The following RBFOX1 variants were observed in gnomAD, a reference collection of about 807,000 sequenced individuals.
RBFOX1 encodes RNA binding protein fox-1 homolog 1.
A neutral mutation model predicts 57.7 loss-of-function variants in RBFOX1; 8 were observed. The ratio of observed to expected loss-of-function variants is 0.14; its 90% CI spans 0.08 to 0.25. The LOEUF (loss-of-function observed/expected upper bound fraction) is 0.25. Among genes scored for constraint, RBFOX1 ranks in the 10% least tolerant of loss-of-function variants. The pLI is 1.00. For missense variants in RBFOX1, 611 were observed against 548.5 expected (o/e 1.11, Z -1.14); for synonymous variants, 326 against 222.4 (o/e 1.47, Z -4.15).
intron 4 of RBFOX1, among the ~76,000 whole-genome samples, chr16:7,214,025 T>G (rs1423670299): frequency 1.3e-5 from 2 of 151,912 alleles, no homozygotes; most frequent in Non-Finnish European, 2.9e-5. Context: ...ATTTGACCTC[T>G]CCCCTTTGCC....
At chr16:7,034,467 C>T (rs961322236) in intron 3 of RBFOX1, among the ~76,000 whole-genome samples, 7 of 152,082 alleles carry the variant, frequency 4.6e-5, no homozygotes, top group African/African-American at 1.7e-4. Context: ...CCTTGCTGGG[C>T]TCCAGCTGGC....
chr16:5,799,702 A>C (rs866174210), intron 3 of RBFOX1, among the ~76,000 whole-genome samples: 12 of 152,114 alleles, frequency 7.9e-5, no homozygotes, highest in South Asian at 2.1e-4. Context: ...TCGGTTGGTG[A>C]GGCATATTGA....
At chr16:5,579,332 A>G (rs2046582456) in intron 2 of RBFOX1, among the ~76,000 whole-genome samples, 1 of 151,988 alleles carries the variant, frequency 6.6e-6, no homozygotes, top group Admixed American at 6.6e-5. Context: ...TTCCAGTCCT[A>G]GGAAATCTAC....
rs58333271 is a variant in RBFOX1, at chr16:5,502,025, C to CTATTATTAT, written c.258+34789_258+34797dup. Among the ~76,000 whole-genome samples the CTATTATTAT allele has an allele frequency of 4.9e-3, 742 of 150,272 alleles. 8 individuals are homozygous for CTATTATTAT. The highest frequency in any genetic ancestry group is 0.018 in the African/African-American group (712 of 40,664). On this transcript the variant is annotated intron_variant, in intron 2 of 2. Transcript: ENST00000585867. ...GGCATGAGCCACCATGCCCAGCTCA[C>CTATTATTAT]TATTATTATTATTATTATTATTATT...
At chr16:7,231,198 C>T (rs144523679) in intron 4 of RBFOX1, among the ~76,000 whole-genome samples, 2,567 of 152,220 alleles carry the variant, frequency 0.017, 37 homozygotes, top group Admixed American at 0.021. Flanking sequence ...ACAGAACAAC[C>T]GAAAGAGCTA....
At chr16:5,887,350 G>A (rs2057923664) in intron 4 of RBFOX1, among the ~76,000 whole-genome samples, 2 of 152,122 alleles carry the variant, frequency 1.3e-5, no homozygotes, top group South Asian at 4.1e-4. Context: ...AAAGACCATA[G>A]TACTGCCTTC....
chr16:7,125,162 T>C (rs2068174856), intron 4 of RBFOX1, among the ~76,000 whole-genome samples: 1 of 152,084 alleles, frequency 6.6e-6, no homozygotes, highest in Non-Finnish European at 1.5e-5. Flanking sequence ...CACTGCATGG[T>C]GGTGTTAAGT....
At chr16:5,785,693 A>G (rs2151716652) in intron 3 of RBFOX1, among the ~76,000 whole-genome samples, 1 of 151,922 alleles carries the variant, frequency 6.6e-6, no homozygotes, top group South Asian at 2.1e-4. Context: ...ATACCCGGCT[A>G]ATTTTGTATT....
At chr16:6,941,665 G>A (rs1035404301) in intron 3 of RBFOX1, among the ~76,000 whole-genome samples, 4 of 152,012 alleles carry the variant, frequency 2.6e-5, no homozygotes, top group Non-Finnish European at 4.4e-5. Flanking sequence ...CTATAAAGCA[G>A]GTCAGTCATA....
chr16:7,340,327 G>C (rs1222902211), intron 4 of RBFOX1, among the ~76,000 whole-genome samples: 1 of 152,210 alleles, frequency 6.6e-6, no homozygotes, highest in Non-Finnish European at 1.5e-5. Flanking sequence ...GTGGGTTTCA[G>C]ATCTTAATTA....
chr16:6,897,292 A>G (rs923692806), intron 3 of RBFOX1, among the ~76,000 whole-genome samples: 16 of 152,192 alleles, frequency 1.1e-4, no homozygotes, highest in African/African-American at 3.6e-4. Flanking sequence ...AAGCCCAGCT[A>G]CTCAGGAGGC....
intron 3 of RBFOX1, among the ~76,000 whole-genome samples, chr16:6,760,630 G>C (rs531692446): frequency 6.6e-6 from 1 of 152,168 alleles, no homozygotes; most frequent in Admixed American, 6.5e-5. Flanking sequence ...ACTGAATTGG[G>C]TGAGACAAAT....
chr16:5,617,000 G>T (rs1297246754), intron 3 of RBFOX1, among the ~76,000 whole-genome samples: 2 of 151,732 alleles, frequency 1.3e-5, no homozygotes, highest in Non-Finnish European at 2.9e-5. Flanking sequence ...TGGCCGGAGG[G>T]CAGTTCCTGA....
intron 3 of RBFOX1, among the ~76,000 whole-genome samples, chr16:6,927,207 C>G (rs556733887): frequency 2.0e-5 from 3 of 151,648 alleles, no homozygotes; most frequent in Non-Finnish European, 2.9e-5. Flanking sequence ...CATTTTTTAA[C>G]GAAACCCTAG....
chr16:6,593,601 C>G (rs1318744654), intron 2 of RBFOX1, among the ~76,000 whole-genome samples: 1 of 152,118 alleles, frequency 6.6e-6, no homozygotes, highest in African/African-American at 2.4e-5. Flanking sequence ...TGATAGAATT[C>G]CTGGTTTTCA....
chr16:5,819,856 C>G (rs2055782027), intron 3 of RBFOX1, among the ~76,000 whole-genome samples: 1 of 152,232 alleles, frequency 6.6e-6, no homozygotes, highest in Non-Finnish European at 1.5e-5. Context: ...AAATGAGGAG[C>G]TAGCTTTGTA....
chr16:7,540,973 T>C (rs1411134665), intron 5 of RBFOX1, among the ~76,000 whole-genome samples: 1 of 152,126 alleles, frequency 6.6e-6, no homozygotes, highest in Non-Finnish European at 1.5e-5. Context: ...TTCAGTGCAT[T>C]GAAGGTTTAG....
intron 3 of RBFOX1, among the ~76,000 whole-genome samples, chr16:5,776,191 G>A (rs777301183): frequency 2.0e-5 from 3 of 152,212 alleles, no homozygotes; most frequent in African/African-American, 4.8e-5. Context: ...AGGCTGTTTG[G>A]GTTGGTGCTT....
At chr16:6,563,612 G>C (rs1394393444) in intron 2 of RBFOX1, among the ~76,000 whole-genome samples, 1 of 152,152 alleles carries the variant, frequency 6.6e-6, no homozygotes, top group South Asian at 2.1e-4. Flanking sequence ...GCGAGGCCAA[G>C]GTAGGCAGAT....
Sources: gnomAD v4.1 joint callset for allele counts (sites outside exome capture counted in the v4.1 genomes callset) on GRCh38, gnomAD v4.1.1 for gene constraint, MANE v1.5 for transcripts, NCBI Gene and HGNC (gene_info 2026-07-23, HGNC 2026-07-21) for gene names.